MAP4K5: variants seen among roughly 807,000 people sequenced by gnomAD.
MAP4K5 encodes the protein mitogen-activated protein kinase kinase kinase kinase 5, also known as MAPK/ERK kinase kinase kinase 5.
A neutral mutation model predicts 135.6 loss-of-function variants in MAP4K5; 82 were observed. That is an observed-to-expected ratio of 0.60 (90% CI 0.51 to 0.73). The LOEUF (loss-of-function observed/expected upper bound fraction) is 0.73. Among genes scored for constraint, MAP4K5 ranks in the 30% least tolerant of loss-of-function variants. The pLI is 0.00. For synonymous variants in MAP4K5, 347 were observed against 335.0 expected (o/e 1.04, Z -0.39); for missense variants, 907 against 1,010.9 (o/e 0.90, Z 1.39).
chr14:50,485,692 T>G, intron 4 of MAP4K5, 50 bp from the exon 5 acceptor site: 1 of 1,133,776 alleles, frequency 8.8e-7, no homozygotes, highest in South Asian at 1.4e-5. Context: ...TTTCAATCAC[T>G]GAAATACTCT....
At chr14:50,452,655 T>C (rs571530248) in intron 14 of MAP4K5, among the ~76,000 whole-genome samples, 64 of 152,280 alleles carry the variant, frequency 4.2e-4, no homozygotes, top group Middle Eastern at 3.4e-3. Context: ...AAATAGAATT[T>C]TGCCAGGTGC....
intron 3 of MAP4K5, among the ~76,000 whole-genome samples, chr14:50,486,984 GATAA>G (rs1361221004): frequency 6.6e-6 from 1 of 152,180 alleles, no homozygotes; most frequent in Non-Finnish European, 1.5e-5. Flanking sequence ...TTAGGTCTTA[GATAA>G]ATAAACAAAA....
chr14:50,465,223 G>A (rs889184786), intron 11 of MAP4K5, among the ~76,000 whole-genome samples: 1 of 152,116 alleles, frequency 6.6e-6, no homozygotes, highest in African/African-American at 2.4e-5. Context: ...GTGGGGAGGG[G>A]CCTCTTAGAA....
At chr14:50,536,307 A>G (rs574520561), upstream of MAP4K5, among the ~76,000 whole-genome samples, 1 of 152,078 alleles carries the variant, frequency 6.6e-6, no homozygotes, top group Non-Finnish European at 1.5e-5. Context: ...ATGGTGGTAC[A>G]TGCCTGTAAT....
intron 14 of MAP4K5, among the ~76,000 whole-genome samples, chr14:50,452,590 C>A (rs142679093): frequency 6.6e-6 from 1 of 152,142 alleles, no homozygotes; most frequent in Admixed American, 6.6e-5. Context: ...TCTGAAACAA[C>A]CTTTATATTA....
Position 50,476,286 on chromosome 14 carries a change from A to C in MAP4K5, c.399T>G (p.Thr133=), listed in dbSNP as rs2037096597. The change falls in exon 7 of 33, where the codon ACT becomes ACG. Residue 133 remains threonine, a synonymous_variant. Transcript: ENST00000682126. ...TGATATCTCTATGCATTTTGCCTTT[A>C]GTATGCAAATAGGCAAGACCCTAAA... ...ETLQGLAYLH[T]KGKMHRDIKG... is the part of the protein sequence containing the mutation. The C allele has an allele frequency of 1.4e-6, 2 of 1,465,986 alleles. No homozygotes were observed. Among genetic ancestry groups the C allele is most frequent in the Non-Finnish European group, 1.8e-6 (2 of 1,097,214 alleles). The allele number at this position is 1,465,986 out of a possible 1,614,324, so 90.8% of individuals were successfully genotyped here. A position where few individuals can be genotyped will look rare whatever the true frequency, so the allele number is the denominator to read the frequency against.
At chr14:50,456,417 G>A in intron 14 of MAP4K5, 99 bp downstream of exon 14, 1 of 880,104 alleles carries the variant, frequency 1.1e-6, no homozygotes, top group East Asian at 2.7e-5. Flanking sequence ...GTTGAAGTAT[G>A]TAGCCTTAGT....
At chr14:50,560,433 G>A in intron 1 of MAP4K5, 1 of 1,209,710 alleles carries the variant, frequency 8.3e-7, no homozygotes, top group Non-Finnish European at 1.2e-6. Flanking sequence ...CCGTAGCCGA[G>A]CCGCTCCCTG....
chr14:50,455,171 G>A (rs1433314070), intron 14 of MAP4K5, among the ~76,000 whole-genome samples: 2 of 151,780 alleles, frequency 1.3e-5, no homozygotes, highest in Non-Finnish European at 1.5e-5. Flanking sequence ...AGAAACTCAA[G>A]TTGAATCCAT....
intron 28 of MAP4K5, among the ~76,000 whole-genome samples, chr14:50,429,976 G>T (rs949814240): frequency 1.3e-5 from 2 of 151,908 alleles, no homozygotes; most frequent in South Asian, 2.1e-4. Context: ...TCTAAGAAAA[G>T]ATTTTAGATT....
At chr14:50,560,001 C>G in intron 1 of MAP4K5, 5 of 548,234 alleles carry the variant, frequency 9.1e-6, no homozygotes, top group Non-Finnish European at 3.3e-6. Flanking sequence ...TCACTGTCTT[C>G]ACGGTCTGGG....
At chr14:50,458,821 T>G (rs935937679) in intron 13 of MAP4K5, among the ~76,000 whole-genome samples, 1 of 152,160 alleles carries the variant, frequency 6.6e-6, no homozygotes, top group African/African-American at 2.4e-5. Flanking sequence ...TTTTATTTAT[T>G]TTTTTGAGAC....
intron 21 of MAP4K5, among the ~76,000 whole-genome samples, chr14:50,441,542 T>C (rs902702647): frequency 1.3e-5 from 2 of 151,972 alleles, no homozygotes; most frequent in South Asian, 2.1e-4. Flanking sequence ...AGTTGAGGAA[T>C]TGTTTTACAC....
At chr14:50,454,009 C>T (rs2036547498) in intron 14 of MAP4K5, among the ~76,000 whole-genome samples, 1 of 152,010 alleles carries the variant, frequency 6.6e-6, no homozygotes, top group South Asian at 2.1e-4. Context: ...GTCATAATAG[C>T]CCAAAACCAG....
At chr14:50,437,625 G>A (rs1167616990) in intron 25 of MAP4K5, 91 bp from the exon 26 acceptor site, 3 of 925,562 alleles carry the variant, frequency 3.2e-6, no homozygotes, top group African/African-American at 1.7e-5. Flanking sequence ...AGACAGAAAG[G>A]AGCTTAAAAA....
At chr14:50,517,864 T>C (rs1247097446) in intron 2 of MAP4K5, among the ~76,000 whole-genome samples, 1 of 152,210 alleles carries the variant, frequency 6.6e-6, no homozygotes, top group East Asian at 1.9e-4. Flanking sequence ...AAGAAAGTGC[T>C]TCATTTTACT....
chr14:50,555,664 T>G (rs951307892), intron 1 of MAP4K5, among the ~76,000 whole-genome samples: 1 of 152,196 alleles, frequency 6.6e-6, no homozygotes, highest in African/African-American at 2.4e-5. Context: ...AAATAAATAT[T>G]TGTCTTATTT....
intron 2 of MAP4K5, among the ~76,000 whole-genome samples, chr14:50,517,112 G>A (rs1462706025): frequency 6.6e-6 from 1 of 151,478 alleles, no homozygotes; most frequent in Non-Finnish European, 1.5e-5. Flanking sequence ...GACAACAAAG[G>A]CAACATTTCT....
chr14:50,476,364 T>A (rs74829087), intron 6 of MAP4K5, 58 bp from the exon 7 acceptor site: 2 of 823,278 alleles, frequency 2.4e-6, no homozygotes, highest in Non-Finnish European at 3.6e-6. Flanking sequence ...ATGTGACTCC[T>A]AAATTTTCTA....
Sources: gnomAD v4.1 joint callset for allele counts (sites outside exome capture counted in the v4.1 genomes callset) on GRCh38, gnomAD v4.1.1 for gene constraint, MANE v1.5 for transcripts, NCBI Gene and HGNC (gene_info 2026-07-23, HGNC 2026-07-21) for gene names.